KAT6B: variants seen among roughly 807,000 people sequenced by gnomAD.
The protein encoded by KAT6B is lysine acetyltransferase 6B.
In KAT6B, 10 loss-of-function variants were observed where a neutral mutation model predicts 187.5. The ratio of observed to expected loss-of-function variants is 0.05; its 90% CI spans 0.03 to 0.09. The LOEUF is 0.09. Ranked by LOEUF, KAT6B falls within the 10% of genes least tolerant of loss-of-function variation. The pLI, the probability that KAT6B is intolerant of heterozygous loss-of-function variation, is 1.00. For synonymous variants in KAT6B, 861 were observed against 926.8 expected (o/e 0.93, Z 1.29); for missense variants, 1,952 against 2,558.9 (o/e 0.76, Z 5.12).
intron 3 of KAT6B, among the ~76,000 whole-genome samples, chr10:74,938,375 T>C (rs947078463): frequency 6.6e-6 from 1 of 152,076 alleles, no homozygotes; most frequent in African/African-American, 2.4e-5. Context: ...ATCTTAATGA[T>C]TTAGGGATGG....
chr10:74,848,784 G>A (rs1051251278), intron 3 of KAT6B, among the ~76,000 whole-genome samples: 14 of 151,940 alleles, frequency 9.2e-5, no homozygotes, highest in African/African-American at 3.4e-4. Flanking sequence ...TCTTCCTTTG[G>A]CTGCTGAACT....
chr10:74,885,709 G>A (rs187071159), intron 3 of KAT6B, among the ~76,000 whole-genome samples: 1 of 152,002 alleles, frequency 6.6e-6, no homozygotes, highest in African/African-American at 2.4e-5. Flanking sequence ...CTGCTGGGGA[G>A]GCCTTGAAAG....
intron 3 of KAT6B, among the ~76,000 whole-genome samples, chr10:74,937,022 CTA>C (rs1397283976): frequency 6.6e-6 from 1 of 152,130 alleles, no homozygotes; most frequent in Non-Finnish European, 1.5e-5. Flanking sequence ...AGAAGCAAGT[CTA>C]TGTGAAATTA....
chr10:74,989,929 G>C (rs764354558), intron 13 of KAT6B, among the ~76,000 whole-genome samples: 2 of 152,060 alleles, frequency 1.3e-5, no homozygotes, highest in African/African-American at 2.4e-5. Context: ...GGGCGTGGTG[G>C]CTTATGCCTG....
In KAT6B at chr10:74,842,752, C is replaced by T; in HGVS notation, c.-106C>T. 1.6e-6 allele frequency: 2 copies of T among 1,230,262 alleles called. No homozygotes were observed. The highest frequency in any genetic ancestry group is 2.4e-6 in the Non-Finnish European group (2 of 840,930). 76.2% of individuals were successfully genotyped at this position (1,230,262 alleles called of 1,614,324 possible). A position where few individuals can be genotyped will look rare whatever the true frequency, so the allele number is the denominator to read the frequency against. On this transcript the variant is annotated 5_prime_UTR_variant, in exon 3 of 18. Coordinates refer to ENST00000287239, the MANE Select transcript of KAT6B (RefSeq NM_012330.4). ...GTTGCTTAATACAGTCTGGAATACT[C>T]TGTCCATTTGTTGAATTGTAAATGA...
chr10:75,021,361 A>G (rs1055403539), intron 15 of KAT6B, 76 bp downstream of exon 15: 3 of 1,498,048 alleles, frequency 2.0e-6, no homozygotes, highest in Admixed American at 1.7e-5. Context: ...AGTCATTAAG[A>G]TCGTTGTCAA....
chr10:74,917,094 G>A (rs550131842), intron 3 of KAT6B, among the ~76,000 whole-genome samples: 1 of 152,300 alleles, frequency 6.6e-6, no homozygotes, highest in African/African-American at 2.4e-5. Flanking sequence ...GACAGGCCGA[G>A]ACCCTGTCTC....
chr10:75,020,714 A>ACCAC lies in KAT6B; in HGVS notation c.2763_2764insCACC (p.Ile922HisfsTer8). 1 of 1,613,510 alleles carries ACCAC rather than the reference A, an allele frequency of 6.2e-7. No homozygotes were observed. The highest frequency in any genetic ancestry group is 1.1e-5 in the South Asian group (1 of 91,050). ...TATCTCTACCACCACCATGAGAGGC[A>ACCAC]CATCAGCATCAAGGCAATTAGCAGA... is the stretch of plus-strand genomic sequence containing the variant. On this transcript the variant is annotated frameshift_variant, in exon 14 of 18. Coordinates refer to ENST00000287239, the MANE Select transcript of KAT6B (RefSeq NM_012330.4). LOFTEE classifies it high-confidence loss of function.
chr10:74,990,537 T>C (rs566133234), intron 13 of KAT6B, among the ~76,000 whole-genome samples: 1 of 152,328 alleles, frequency 6.6e-6, no homozygotes, highest in South Asian at 2.1e-4. Context: ...TTGATTATTT[T>C]TCTCTTTTTA....
intron 3 of KAT6B, among the ~76,000 whole-genome samples, chr10:74,917,552 T>TGA (rs1455051670): frequency 1.3e-5 from 2 of 152,162 alleles, no homozygotes; most frequent in Non-Finnish European, 2.9e-5. Context: ...GATTGGTGCT[T>TGA]GAGGGAAGGG....
At chr10:74,965,901 A>T (rs1174241285) in intron 4 of KAT6B, among the ~76,000 whole-genome samples, 4 of 137,238 alleles carry the variant, frequency 2.9e-5, no homozygotes, top group African/African-American at 7.9e-5. Context: ...AATTTTCTGT[A>T]TTTTTTTTTT....
In KAT6B at chr10:75,025,263, T is replaced by A; in HGVS notation, c.3664+14T>A. 1 of 1,613,472 alleles carries A rather than the reference T, an allele frequency of 6.2e-7. No homozygotes were observed. ...ACCCTTGTAGAAGTAAGTAGAGGAA[T>A]GATAAAAACCTTACCCTTGAGAATG... On this transcript the variant is annotated intron_variant, in intron 17 of 17. Coordinates refer to ENST00000287239, the MANE Select transcript of KAT6B (RefSeq NM_012330.4).
chr10:74,949,456 C>T (rs1405812454), intron 3 of KAT6B, among the ~76,000 whole-genome samples: 1 of 151,808 alleles, frequency 6.6e-6, no homozygotes, highest in Non-Finnish European at 1.5e-5. Context: ...AACAAGAAAA[C>T]ACACACCACA....
At chr10:74,933,243 T>C (rs11001208) in intron 3 of KAT6B, among the ~76,000 whole-genome samples, 15,457 of 152,228 alleles carry the variant, frequency 0.1, 1,094 homozygotes, top group South Asian at 0.27. Context: ...CTGCTATTAG[T>C]TCCTTGGAAA....
At chr10:74,828,531 A>G (rs989536287) in intron 1 of KAT6B, among the ~76,000 whole-genome samples, 4 of 151,278 alleles carry the variant, frequency 2.6e-5, no homozygotes, top group Non-Finnish European at 5.9e-5. Context: ...CCTTGAAATA[A>G]AACACTCCAT....
At chr10:74,862,881 G>A (rs906830741) in intron 3 of KAT6B, among the ~76,000 whole-genome samples, 2 of 152,130 alleles carry the variant, frequency 1.3e-5, no homozygotes, top group Non-Finnish European at 2.9e-5. Flanking sequence ...GCAGCCCCCA[G>A]CACTCCACTC....
At chr10:74,912,471 T>G (rs1847315501) in intron 3 of KAT6B, among the ~76,000 whole-genome samples, 1 of 152,128 alleles carries the variant, frequency 6.6e-6, no homozygotes, top group Non-Finnish European at 1.5e-5. Context: ...TTCCAGTAGA[T>G]TTTCTATCAA....
At chr10:74,839,186 C>T (rs1057227341) in intron 2 of KAT6B, among the ~76,000 whole-genome samples, 2 of 150,564 alleles carry the variant, frequency 1.3e-5, no homozygotes, top group African/African-American at 4.9e-5. Context: ...GTGGTAAAAG[C>T]TTGTCATGAA....
chr10:74,917,469 C>A (rs756132026), intron 3 of KAT6B, among the ~76,000 whole-genome samples: 31 of 152,146 alleles, frequency 2.0e-4, no homozygotes, highest in Non-Finnish European at 4.0e-4. Context: ...ATTAAAGATT[C>A]TAATCCTTTC....
Sources: allele counts gnomAD v4.1 joint callset (sites outside exome capture counted in the v4.1 genomes callset), GRCh38; gene constraint gnomAD v4.1.1; transcripts MANE v1.5; gene names NCBI Gene and HGNC (gene_info 2026-07-23, HGNC 2026-07-21).